The following TRHDE variants were observed in gnomAD, a reference collection of about 807,000 sequenced individuals.
The protein encoded by TRHDE is thyrotropin-releasing hormone-degrading ectoenzyme.
A neutral mutation model predicts 125.7 loss-of-function variants in TRHDE; 72 were observed. The ratio of observed to expected loss-of-function variants is 0.57; its 90% CI spans 0.47 to 0.70. The LOEUF (loss-of-function observed/expected upper bound fraction) is 0.70. TRHDE is among the 30% of genes least tolerant of loss of function. The pLI, the probability that TRHDE is intolerant of heterozygous loss-of-function variation, is 0.00. For synonymous variants in TRHDE, 509 were observed against 509.1 expected, an observed-to-expected ratio of 1.00 and a Z score of 0.00; for missense variants, 1,110 against 1,327.1, an observed-to-expected ratio of 0.84 and a Z score of 2.54.
intron 15 of TRHDE, among the ~76,000 whole-genome samples, chr12:72,636,965 C>T (rs565966272): frequency 2.6e-5 from 4 of 152,052 alleles, no homozygotes; most frequent in Non-Finnish European, 5.9e-5. Flanking sequence ...CTAAAATTCT[C>T]TTTTTTGGTT....
At chr12:72,133,120 G>C (rs1007360302) in intron 2 of TRHDE, among the ~76,000 whole-genome samples, 1 of 152,170 alleles carries the variant, frequency 6.6e-6, no homozygotes, top group Admixed American at 6.5e-5. Context: ...GCTTTTGTAA[G>C]TATACATACA....
chr12:72,492,100 A>G (rs1877710302), intron 5 of TRHDE, among the ~76,000 whole-genome samples: 1 of 151,992 alleles, frequency 6.6e-6, no homozygotes, highest in Non-Finnish European at 1.5e-5. Context: ...GTATAAATGG[A>G]CTGTTTTAAC....
At chr12:72,290,031 A>C (rs1231907007) in intron 2 of TRHDE, among the ~76,000 whole-genome samples, 1 of 152,252 alleles carries the variant, frequency 6.6e-6, no homozygotes, top group Non-Finnish European at 1.5e-5. Context: ...TAGGAACACT[A>C]GTATTTACGT....
intron 6 of TRHDE, among the ~76,000 whole-genome samples, chr12:72,530,147 G>A (rs935922385): frequency 5.9e-5 from 9 of 151,660 alleles, no homozygotes; most frequent in East Asian, 5.8e-4. Flanking sequence ...TTTGATCCTG[G>A]TAAAAATTCC....
At chr12:72,382,930 A>T (rs1433373567) in intron 3 of TRHDE, among the ~76,000 whole-genome samples, 1 of 152,174 alleles carries the variant, frequency 6.6e-6, no homozygotes, top group African/African-American at 2.4e-5. Flanking sequence ...CCAGTAGTTT[A>T]TCGGGATAGT....
At chr12:72,193,846 T>C (rs1202590579) in intron 2 of TRHDE, among the ~76,000 whole-genome samples, 1 of 152,132 alleles carries the variant, frequency 6.6e-6, no homozygotes, top group East Asian at 1.9e-4. Flanking sequence ...TCAAAATTCA[T>C]GAACAGGATC....
At chr12:72,322,599 TTC>T (rs148482065) in intron 2 of TRHDE, among the ~76,000 whole-genome samples, 39,668 of 151,914 alleles carry the variant, frequency 0.26, 5,187 homozygotes, top group East Asian at 0.35. Context: ...AACTTGTATT[TTC>T]CACAGGGACA....
chr12:72,484,499 A>G (rs1249401492), intron 5 of TRHDE, among the ~76,000 whole-genome samples: 2 of 152,190 alleles, frequency 1.3e-5, no homozygotes, highest in Admixed American at 6.5e-5. Flanking sequence ...ATCAGATTAG[A>G]GACTGTTTGT....
chr12:72,464,809 G>A (rs1193295219), intron 3 of TRHDE, among the ~76,000 whole-genome samples: 1 of 152,166 alleles, frequency 6.6e-6, no homozygotes, highest in East Asian at 1.9e-4. Flanking sequence ...TTTCAGGATA[G>A]TGTTAAGAAT....
chr12:72,403,276 G>C (rs1344066922), intron 3 of TRHDE, among the ~76,000 whole-genome samples: 1 of 152,194 alleles, frequency 6.6e-6, no homozygotes, highest in Non-Finnish European at 1.5e-5. Flanking sequence ...ATTGAGCTGA[G>C]TCTTGAAGAA....
At chr12:72,438,952 T>C (rs1157113764) in intron 3 of TRHDE, among the ~76,000 whole-genome samples, 2 of 151,920 alleles carry the variant, frequency 1.3e-5, no homozygotes, top group Non-Finnish European at 2.9e-5. Flanking sequence ...TGTAAGTCTT[T>C]AATCCATTTG....
chr12:72,232,919 G>T (rs61648527), intron 2 of TRHDE, among the ~76,000 whole-genome samples: 42,563 of 151,926 alleles, frequency 0.28, 6,394 homozygotes, highest in African/African-American at 0.35. Flanking sequence ...TTTATTTTGT[G>T]TATTATCTCT....
chr12:72,669,125 A>G lies in TRHDE; in HGVS notation c.*5930A>G, dbSNP rs572191003. 1 of 151,920 alleles carries G rather than the reference A, an allele frequency of 6.6e-6. No individual in the cohort carries two copies. The highest frequency in any genetic ancestry group is 1.9e-4 in the East Asian group (1 of 5,144). 9.4% of individuals were successfully genotyped at this position (151,920 alleles called of 1,614,324 possible). A position where few individuals can be genotyped will look rare whatever the true frequency, so the allele number is the denominator to read the frequency against. ...AGATATTTCGGCCAACGAGACACACACACACATGAAAAAAATAAGTGAAAA... is the reference window on the plus strand; with the variant it reads ...AGATATTTCGGCCAACGAGACACACGCACACATGAAAAAAATAAGTGAAAA... On this transcript the variant is annotated 3_prime_UTR_variant, in exon 19 of 19. Coordinates refer to ENST00000261180, the MANE Select transcript of TRHDE (RefSeq NM_013381.3).
intron 7 of TRHDE, among the ~76,000 whole-genome samples, chr12:72,552,074 A>C (rs1362793519): frequency 6.6e-6 from 1 of 152,162 alleles, no homozygotes; most frequent in Non-Finnish European, 1.5e-5. Flanking sequence ...CCAACCATGC[A>C]TTGCCCAATA....
chr12:72,212,647 T>C (rs1239229973), intron 2 of TRHDE, among the ~76,000 whole-genome samples: 3 of 152,054 alleles, frequency 2.0e-5, no homozygotes, highest in Non-Finnish European at 2.9e-5. Context: ...CCCCTTAAAA[T>C]CCACTAGGAT....
At chr12:72,144,759 C>G (rs986705671) in intron 2 of TRHDE, among the ~76,000 whole-genome samples, 1 of 152,148 alleles carries the variant, frequency 6.6e-6, no homozygotes, top group African/African-American at 2.4e-5. Context: ...GAGTCAGGAA[C>G]AATAGCCCAC....
At chr12:72,360,877 G>T (rs1871041582) in intron 2 of TRHDE, among the ~76,000 whole-genome samples, 1 of 151,674 alleles carries the variant, frequency 6.6e-6, no homozygotes, top group Non-Finnish European at 1.5e-5. Context: ...ATGGAGGTTT[G>T]TTACATAGGT....
intron 2 of TRHDE, among the ~76,000 whole-genome samples, chr12:72,164,001 G>T (rs1475703295): frequency 6.6e-6 from 1 of 152,040 alleles, no homozygotes; most frequent in Non-Finnish European, 1.5e-5. Context: ...GTCCCAGCTA[G>T]CTGGGAGGCT....
intron 5 of TRHDE, among the ~76,000 whole-genome samples, chr12:72,492,841 G>A (rs540832724): frequency 1.3e-5 from 2 of 151,978 alleles, no homozygotes; most frequent in East Asian, 3.9e-4. Flanking sequence ...CTTTATGGTA[G>A]CTCAAGTAAA....
Sources: allele counts gnomAD v4.1 joint callset (sites outside exome capture counted in the v4.1 genomes callset), GRCh38; gene constraint gnomAD v4.1.1; transcripts MANE v1.5; gene names NCBI Gene and HGNC (gene_info 2026-07-23, HGNC 2026-07-21).